The following MTRF1 variants were observed in gnomAD, a reference collection of about 807,000 sequenced individuals.
The protein encoded by MTRF1 is mitochondrial translation release factor 1, also known as peptide chain release factor 1, mitochondrial.
A neutral mutation model predicts 62.9 loss-of-function variants in MTRF1; 51 were observed. The ratio of observed to expected loss-of-function variants is 0.81; its 90% CI spans 0.65 to 1.02. The LOEUF is 1.02. Among genes scored for constraint, MTRF1 ranks in the 50% least tolerant of loss-of-function variants. MTRF1 has a pLI of 0.00. For synonymous variants in MTRF1, 158 were observed against 181.9 expected (o/e 0.87, Z 1.06); for missense variants, 446 against 530.0 (o/e 0.84, Z 1.56).
chr13:41,256,193 A>G (rs1376355499), intron 2 of MTRF1, among the ~76,000 whole-genome samples: 1 of 152,174 alleles, frequency 6.6e-6, no homozygotes, highest in Non-Finnish European at 1.5e-5. Context: ...CATGATTACA[A>G]TATGAGATGG....
At chr13:41,259,719 A>AAAAAAAAAAAAACAAAAAAT (rs2040209013) in intron 2 of MTRF1, among the ~76,000 whole-genome samples, 1 of 59,634 alleles carries the variant, frequency 1.7e-5, no homozygotes, top group Non-Finnish European at 4.4e-5. Context: ...AAAAAAAAAA[A>AAAAAAAAAAAAACAAAAAAT]AACATAAAAA....
At chr13:41,281,291 T>G in the MTRF1 span, among the ~76,000 whole-genome samples, 6 of 152,240 alleles carry the variant, frequency 3.9e-5, no homozygotes, top group African/African-American at 9.6e-5. Context: ...CTGTACAGTG[T>G]GTTCCTTGGT....
intron 8 of MTRF1, 112 bp from the exon 9 acceptor site, chr13:41,223,466 C>A (rs2033804653): frequency 4.0e-6 from 3 of 750,468 alleles, no homozygotes; most frequent in Non-Finnish European, 4.4e-6. Flanking sequence ...TTCTAAAAGA[C>A]ATATATACAA....
intron 2 of MTRF1, among the ~76,000 whole-genome samples, chr13:41,258,165 G>A (rs563271251): frequency 5.3e-5 from 8 of 152,136 alleles, no homozygotes; most frequent in Middle Eastern, 3.2e-3. Flanking sequence ...TTAAACGTAC[G>A]TAAGAGACTT....
chr13:41,254,685 C>T (rs1593999521), intron 2 of MTRF1, 65 bp from the exon 3 acceptor site: 1 of 1,186,038 alleles, frequency 8.4e-7, no homozygotes, highest in East Asian at 2.4e-5. Context: ...TCCTAAGTAG[C>T]CATGTTCCTC....
intron 7 of MTRF1, among the ~76,000 whole-genome samples, chr13:41,230,273 T>C (rs1409990480): frequency 1.3e-5 from 2 of 152,134 alleles, no homozygotes; most frequent in Non-Finnish European, 2.9e-5. Context: ...TCTTTTCTTT[T>C]TTTTTTTTGA....
chr13:41,294,846 T>C, the MTRF1 span, among the ~76,000 whole-genome samples: 4 of 152,238 alleles, frequency 2.6e-5, no homozygotes, highest in South Asian at 2.1e-4. Flanking sequence ...TATAAGTCTT[T>C]CTAAAGATTG....
chr13:41,234,862 G>GGGGCA (rs1191259540), intron 6 of MTRF1, among the ~76,000 whole-genome samples: 10 of 152,140 alleles, frequency 6.6e-5, no homozygotes, highest in Admixed American at 6.5e-4. Context: ...GGAGGTGTAG[G>GGGGCA]GGGCAGAGCA....
the MTRF1 span, among the ~76,000 whole-genome samples, chr13:41,274,826 G>A: frequency 6.6e-6 from 1 of 151,936 alleles, no homozygotes; most frequent in African/African-American, 2.4e-5. Context: ...AGTAGAGACA[G>A]GGTTTCACCA....
Position 41,216,506 on chromosome 13 carries a change from C to G in MTRF1, c.*609G>C, listed in dbSNP as rs865921207. ...ATAATTTTTATTTAAAAGTTGCAGT[C>G]TAAGTCTTAACTTTAACATGATTAA... On this transcript the variant is annotated 3_prime_UTR_variant, in exon 10 of 10. Coordinates refer to ENST00000379480, the MANE Select transcript of MTRF1 (RefSeq NM_004294.4). 1 of 152,002 alleles carries G rather than the reference C, an allele frequency of 6.6e-6. No individual in the cohort carries two copies. Among genetic ancestry groups the G allele is most frequent in the Non-Finnish European group, 1.5e-5 (1 of 68,012 alleles). The allele number at this position is 152,002 out of a possible 1,614,324, so 9.4% of individuals were successfully genotyped here.
chr13:41,252,078 C>T (rs1377956046), intron 5 of MTRF1, among the ~76,000 whole-genome samples: 1 of 152,074 alleles, frequency 6.6e-6, no homozygotes, highest in Admixed American at 6.6e-5. Context: ...CAGGGTTTTG[C>T]CATGTTGGCC....
At chr13:41,229,944 T>C (rs2138784413) in intron 7 of MTRF1, among the ~76,000 whole-genome samples, 1 of 152,020 alleles carries the variant, frequency 6.6e-6, no homozygotes, top group East Asian at 1.9e-4. Flanking sequence ...CTACTAAAAA[T>C]ACAAAAATTA....
chr13:41,311,761 C>T, the MTRF1 span, among the ~76,000 whole-genome samples: 2 of 152,192 alleles, frequency 1.3e-5, no homozygotes, highest in African/African-American at 4.8e-5. Context: ...CGGGGGCTGC[C>T]GAGCCGCTCC....
intron 9 of MTRF1, among the ~76,000 whole-genome samples, chr13:41,218,800 T>G (rs1192558526): frequency 2.6e-5 from 4 of 152,226 alleles, no homozygotes; most frequent in Non-Finnish European, 4.4e-5. Flanking sequence ...GGTCTTAAAG[T>G]TGAACTTTAG....
At chr13:41,257,781 G>A in intron 2 of MTRF1, 1 of 451,066 alleles carries the variant, frequency 2.2e-6, no homozygotes, top group Non-Finnish European at 4.5e-6. Context: ...CTGGGCCACA[G>A]AGCAAGACTC....
At chr13:41,250,051 ATTG>A (rs923034651) in intron 5 of MTRF1, among the ~76,000 whole-genome samples, 2 of 151,936 alleles carry the variant, frequency 1.3e-5, no homozygotes, top group African/African-American at 2.4e-5. Flanking sequence ...TTTCCCAATC[ATTG>A]TTTAGGCTGC....
At chr13:41,294,994 TC>T in the MTRF1 span, among the ~76,000 whole-genome samples, 4 of 152,210 alleles carry the variant, frequency 2.6e-5, no homozygotes, top group African/African-American at 9.6e-5. Context: ...GAAATCTGTA[TC>T]TTTTAAAACT....
chr13:41,226,432 C>T lies in MTRF1; in HGVS notation c.1125G>A (p.Gln375=). The T allele has an allele frequency of 6.2e-7, 1 of 1,606,758 alleles. No homozygotes were observed. The highest frequency in any genetic ancestry group is 8.5e-7 in the Non-Finnish European group (1 of 1,178,492). The change falls in exon 8 of 10, where the codon CAG becomes CAA. Residue 375 remains glutamine (Q), a splice_region_variant and synonymous_variant. Coordinates refer to ENST00000379480, the MANE Select transcript of MTRF1 (RefSeq NM_004294.4). Reference sequence around the variant, plus strand: ...AATTATTATACCAAGTAAATCTTACCTGCAGTTTTCTAGCACTTTGTTGCT... The same window carrying T: ...AATTATTATACCAAGTAAATCTTACTTGCAGTTTTCTAGCACTTTGTTGCT... The part of the protein sequence containing the change: ...KRQQQSARKL[Q]VGTRAQSERI...
chr13:41,285,635 T>C, the MTRF1 span, among the ~76,000 whole-genome samples: 123 of 152,228 alleles, frequency 8.1e-4, no homozygotes, highest in Non-Finnish European at 1.5e-3. Context: ...AGACAGAGAG[T>C]TACTGCTATG....
Sources: gnomAD v4.1 joint callset for allele counts (sites outside exome capture counted in the v4.1 genomes callset) on GRCh38, gnomAD v4.1.1 for gene constraint, MANE v1.5 for transcripts, NCBI Gene and HGNC (gene_info 2026-07-23, HGNC 2026-07-21) for gene names.